Variants in SLC44A5 observed in about 807,000 individuals in gnomAD.
SLC44A5 encodes the protein choline transporter-like protein 5.
A neutral mutation model predicts 101.8 loss-of-function variants in SLC44A5; 57 were observed. The ratio of observed to expected loss-of-function variants is 0.56; its 90% CI spans 0.45 to 0.70. SLC44A5 has a LOEUF of 0.70. Ranked by LOEUF, SLC44A5 falls within the 30% of genes least tolerant of loss-of-function variation. SLC44A5 has a pLI of 0.00. For synonymous variants in SLC44A5, 281 were observed against 290.9 expected, an observed-to-expected ratio of 0.97 and a Z score of 0.35; for missense variants, 737 against 853.1, an observed-to-expected ratio of 0.86 and a Z score of 1.70.
At chr1:75,432,585 G>C (rs374922169) in intron 2 of SLC44A5, among the ~76,000 whole-genome samples, 20 of 152,046 alleles carry the variant, frequency 1.3e-4, no homozygotes, top group African/African-American at 4.8e-4. Flanking sequence ...TGGTTATAAT[G>C]GTCTACATGG....
intron 3 of SLC44A5, among the ~76,000 whole-genome samples, chr1:75,374,393 C>T (rs751199713): frequency 6.6e-6 from 1 of 152,176 alleles, no homozygotes; most frequent in African/African-American, 2.4e-5. Flanking sequence ...AATTGTGGGT[C>T]TCCTGGTGAC....
intron 1 of SLC44A5, among the ~76,000 whole-genome samples, chr1:75,566,656 A>G (rs1014970333): frequency 2.0e-5 from 3 of 152,260 alleles, no homozygotes; most frequent in Non-Finnish European, 4.4e-5. Flanking sequence ...TACAATGCAG[A>G]GCACAGCAGA....
chr1:75,516,092 TA>T (rs1415070833), intron 2 of SLC44A5, among the ~76,000 whole-genome samples: 1 of 152,240 alleles, frequency 6.6e-6, no homozygotes, highest in Non-Finnish European at 1.5e-5. Flanking sequence ...AGAGCCACTA[TA>T]AAAAATTCTT....
At chr1:75,547,762 T>A (rs1445087748) in intron 1 of SLC44A5, among the ~76,000 whole-genome samples, 1 of 152,196 alleles carries the variant, frequency 6.6e-6, no homozygotes. Context: ...TGCTCATTCC[T>A]CTTAAGAAAC....
intron 2 of SLC44A5, among the ~76,000 whole-genome samples, chr1:75,487,175 T>C (rs568584409): frequency 1.3e-5 from 2 of 152,124 alleles, no homozygotes; most frequent in Admixed American, 6.5e-5. Context: ...CTCTGAGAGA[T>C]AGGAATGAAG....
At chr1:75,537,622 G>T (rs910365760) in intron 2 of SLC44A5, among the ~76,000 whole-genome samples, 3 of 152,214 alleles carry the variant, frequency 2.0e-5, no homozygotes, top group African/African-American at 7.2e-5. Context: ...AAACTGAACT[G>T]TGTCCACTAG....
chr1:75,293,867 G>C (rs1316596219), intron 5 of SLC44A5, among the ~76,000 whole-genome samples: 1 of 152,084 alleles, frequency 6.6e-6, no homozygotes, highest in Non-Finnish European at 1.5e-5. Flanking sequence ...ATCTGCTCAA[G>C]TAACAGTGAA....
chr1:75,310,954 C>T (rs1655245932), intron 4 of SLC44A5, among the ~76,000 whole-genome samples: 1 of 151,474 alleles, frequency 6.6e-6, no homozygotes, highest in Non-Finnish European at 1.5e-5. Context: ...TTAAATTTAG[C>T]CATAGTAAAT....
chr1:75,306,996 C>T (rs930512248), intron 4 of SLC44A5, among the ~76,000 whole-genome samples: 21 of 152,166 alleles, frequency 1.4e-4, no homozygotes, highest in African/African-American at 5.1e-4. Flanking sequence ...CCTCGGCCTC[C>T]CAAAGTGCTG....
intron 4 of SLC44A5, among the ~76,000 whole-genome samples, chr1:75,325,757 TGC>T (rs1024369266): frequency 3.1e-4 from 10 of 32,202 alleles, no homozygotes; most frequent in African/African-American, 1.1e-3. Context: ...TGTGCATGCA[TGC>T]GTGTGTGTGT....
At chr1:75,241,976 C>T in intron 9 of SLC44A5, 25 bp downstream of exon 9, 3 of 1,592,950 alleles carry the variant, frequency 1.9e-6, no homozygotes, top group Non-Finnish European at 2.6e-6. Flanking sequence ...TCCTATGTTT[C>T]TAAGGTAAAA....
chr1:75,394,706 C>T (rs147145421), intron 3 of SLC44A5, among the ~76,000 whole-genome samples: 4 of 152,186 alleles, frequency 2.6e-5, no homozygotes, highest in African/African-American at 9.6e-5. Context: ...CCCAAGCTTA[C>T]CCCCATTGTT....
intron 1 of SLC44A5, among the ~76,000 whole-genome samples, chr1:75,572,840 T>C (rs963614061): frequency 1.3e-5 from 2 of 151,942 alleles, no homozygotes; most frequent in Admixed American, 6.6e-5. Context: ...GAAGAAAATA[T>C]GGCCAGGCGC....
At chr1:75,295,257 T>C (rs1653876341) in intron 5 of SLC44A5, among the ~76,000 whole-genome samples, 1 of 152,234 alleles carries the variant, frequency 6.6e-6, no homozygotes, top group East Asian at 1.9e-4. Flanking sequence ...TGTTCACTGC[T>C]TCTTTGTATG....
chr1:75,304,431 G>T (rs1317151408), intron 4 of SLC44A5, among the ~76,000 whole-genome samples: 2 of 152,010 alleles, frequency 1.3e-5, no homozygotes, highest in Non-Finnish European at 2.9e-5. Flanking sequence ...TGCTTAGAAA[G>T]TTACCGGAAA....
chr1:75,407,806 G>T (rs1662979362), intron 2 of SLC44A5, among the ~76,000 whole-genome samples: 1 of 152,142 alleles, frequency 6.6e-6, no homozygotes, highest in South Asian at 2.1e-4. Flanking sequence ...CATGGGCAAA[G>T]GCTTCATGAC....
At position 75,354,129 on chromosome 1, in the gene SLC44A5, T is replaced by C. The variant is rs976644592; in HGVS notation, c.53-14499A>G. ...TTCTAAAGAACATATACAGGTTATA[T>C]GTGTGGAATCACTATAGATGTCTGT... On this transcript the variant is annotated intron_variant, in intron 3 of 23. Transcript: ENST00000370859. The C allele has an allele frequency of 7.0e-5, 15 of 215,478 alleles. No individual in the cohort carries two copies. In the South Asian group the frequency reaches 8.3e-4, roughly 12 times the overall value. The allele number at this position is 215,478 out of a possible 1,614,324, so 13.3% of individuals were successfully genotyped here. A position where few individuals can be genotyped will look rare whatever the true frequency, so the allele number is the denominator to read the frequency against.
At chr1:75,683,943 G>T in the SLC44A5 span, among the ~76,000 whole-genome samples, 18 of 152,182 alleles carry the variant, frequency 1.2e-4, no homozygotes, top group African/African-American at 4.1e-4. Flanking sequence ...CAAAATTGAT[G>T]TATTAGTTCG....
chr1:75,696,745 A>G, the SLC44A5 span, among the ~76,000 whole-genome samples: 1 of 151,534 alleles, frequency 6.6e-6, no homozygotes, highest in African/African-American at 2.4e-5. Context: ...AATTGAAAGA[A>G]AAAAAAAATT....
Sources: allele counts gnomAD v4.1 joint callset (sites outside exome capture counted in the v4.1 genomes callset), GRCh38; gene constraint gnomAD v4.1.1; transcripts MANE v1.5; gene names NCBI Gene and HGNC (gene_info 2026-07-23, HGNC 2026-07-21).